Variants in GALNT5 observed in about 807,000 individuals in gnomAD.
GALNT5 encodes the protein UDP-GalNAc:polypeptide N-acetylgalactosaminyltransferase 5.
A neutral mutation model predicts 85.4 loss-of-function variants in GALNT5; 72 were observed. That is an observed-to-expected ratio of 0.84 (90% CI 0.70 to 1.03). The LOEUF (loss-of-function observed/expected upper bound fraction) is 1.03, where lower values mean the gene tolerates loss of function less well. Ranked by LOEUF, GALNT5 falls within the 50% of genes least tolerant of loss-of-function variation. The probability of loss-of-function intolerance (pLI) is 0.00; values close to 1 mark genes in which losing one functional copy is unlikely to be tolerated. For missense variants in GALNT5, 1,137 were observed against 1,135.5 expected, an observed-to-expected ratio of 1.00 and a Z score of -0.02; for synonymous variants, 404 against 397.0, an observed-to-expected ratio of 1.02 and a Z score of -0.21.
chr2:157,310,411 C>T (rs1249174927), intron 9 of GALNT5, among the ~76,000 whole-genome samples: 1 of 152,136 alleles, frequency 6.6e-6, no homozygotes, highest in Admixed American at 6.5e-5. Context: ...AAATCCTTGA[C>T]AATACTCAAG....
chr2:157,318,436 T>G lies in GALNT5; in HGVS notation c.*7088T>G, dbSNP rs954648528. 6.6e-6 allele frequency among the ~76,000 whole-genome samples: 1 copy of G among 152,150 alleles called. No homozygotes were observed. Among genetic ancestry groups the G allele is most frequent in the African/African-American group, 2.4e-5 (1 of 41,456 alleles). The stretch of plus-strand genomic sequence containing the variant: ...ACCTACCAGAAATCCTTTTTACAAT[T>G]TTATATACAATCATTTTAAGACCTT... On this transcript the variant is annotated 3_prime_UTR_variant, in exon 10 of 10. Coordinates refer to ENST00000259056, the MANE Select transcript of GALNT5 (RefSeq NM_014568.3).
chr2:157,261,942 A>G (rs1373356712), intron 1 of GALNT5, among the ~76,000 whole-genome samples: 2 of 152,164 alleles, frequency 1.3e-5, no homozygotes, highest in African/African-American at 2.4e-5. Context: ...CGAAGTCAGC[A>G]TAAGGGGAAA....
chr2:157,279,852 G>A (rs976865028), intron 1 of GALNT5, among the ~76,000 whole-genome samples: 3 of 152,258 alleles, frequency 2.0e-5, no homozygotes, highest in Non-Finnish European at 4.4e-5. Context: ...TCAATGAGAT[G>A]AACCAGGTAC....
In GALNT5 at chr2:157,259,475, A is replaced by C; in HGVS notation, c.1393A>C (p.Asn465His). Residue 465 changes from asparagine to histidine, a missense_variant, in exon 1 of 10, where the codon AAT becomes CAT. By Grantham distance (68) the Asn-to-His change is moderately conservative (BLOSUM62 1). Coordinates refer to ENST00000259056, the MANE Select transcript of GALNT5 (RefSeq NM_014568.3). The part of the protein sequence containing the change: ...AERRWKEGNF[N>H]VYLSDLIPVD... The stretch of plus-strand genomic sequence containing the variant: ...AAGAAGATGGAAAGAAGGAAACTTC[A>C]ATGTCTACCTTAGCGATTTGATCCC... The C allele has an allele frequency of 6.9e-7, 1 of 1,456,830 alleles. No individual in the cohort carries two copies. The highest frequency in any genetic ancestry group is 2.4e-5 in the East Asian group (1 of 42,152). The allele number at this position is 1,456,830 out of a possible 1,614,324, so 90.2% of individuals were successfully genotyped here.
rs759892394 is a variant in GALNT5, at chr2:157,311,298, C to T, written c.2773C>T (p.Pro925Ser). The T allele has an allele frequency of 2.5e-5, 40 of 1,609,506 alleles. No individual in the cohort carries two copies. In the Admixed American group the frequency reaches 4.5e-4, roughly 18 times the overall value. ...GATCCTGAAAGTAGCTGCCTGTGACCCAGTGAAGCCATATCAAAAGTGGAA... is the reference window on the plus strand; with the variant it reads ...GATCCTGAAAGTAGCTGCCTGTGACTCAGTGAAGCCATATCAAAAGTGGAA... Reference protein sequence around the residue: ...QKILKVAACDPVKPYQKWKFE... With the variant: ...QKILKVAACDSVKPYQKWKFE... Residue 925 changes from proline (P) to serine (S), a missense_variant, in exon 10 of 10, where the codon CCA (proline) becomes TCA (serine). Physicochemically the swap from Pro to Ser is moderately conservative, Grantham distance 74. Transcript: ENST00000259056.
chr2:157,310,014 AGAGT>A (rs1683535298), intron 9 of GALNT5, among the ~76,000 whole-genome samples: 1 of 152,140 alleles, frequency 6.6e-6, no homozygotes, highest in Non-Finnish European at 1.5e-5. Context: ...AGAGAGAGAG[AGAGT>A]GAGAGAGAGA....
At chr2:157,304,143 C>T (rs1015100286) in intron 7 of GALNT5, among the ~76,000 whole-genome samples, 3 of 152,174 alleles carry the variant, frequency 2.0e-5, no homozygotes, top group East Asian at 1.9e-4. Flanking sequence ...CTTTAAGCCC[C>T]GAGATTATTC....
In GALNT5 at chr2:157,305,814, C is replaced by T. The variant is rs749642637; in HGVS notation, c.2505C>T (p.Cys835=). The T allele has an allele frequency of 2.5e-6, 4 of 1,596,926 alleles. No individual in the cohort carries two copies. The highest frequency in any genetic ancestry group is 3.4e-6 in the Non-Finnish European group (4 of 1,164,556). Residue 835 remains cysteine, a synonymous_variant, in exon 8 of 10, where the codon TGC becomes TGT. Transcript: ENST00000259056. ...IENTTVILED[C]DGSKELQQFN... Reference sequence around the variant, plus strand: ...ACACTACAGTCATTCTGGAAGACTGCGATGGGAGCAAAGAGGTATGCTAAA... The same window carrying T: ...ACACTACAGTCATTCTGGAAGACTGTGATGGGAGCAAAGAGGTATGCTAAA...
rs917135393 is a variant in GALNT5 at position 157,295,673 on chromosome 2, G to C, written c.1752G>C (p.Leu584Phe). ...TGTTTGGCCCTCTAGGTGATGTGTT[G>C]ACATTTTTAGATTCTCATGTGGAAT... ...AGAQNATGDV[L>F]TFLDSHVECN... The change falls in exon 4 of 10, where the codon TTG becomes TTC. Residue 584 changes from leucine (L) to phenylalanine (F), a missense_variant. Leu to Phe is a conservative substitution (Grantham distance 22). Transcript: ENST00000259056. 1.2e-6 allele frequency: 2 copies of C among 1,612,696 alleles called. No individual in the cohort carries two copies. The highest frequency in any genetic ancestry group is 1.3e-5 in the African/African-American group (1 of 74,942).
At chr2:157,293,934 C>G (rs1473556608) in intron 3 of GALNT5, among the ~76,000 whole-genome samples, 1 of 152,182 alleles carries the variant, frequency 6.6e-6, no homozygotes, top group Non-Finnish European at 1.5e-5. Flanking sequence ...GTTAGCTGTG[C>G]AACCATAGAA....
chr2:157,258,146 T>C lies in GALNT5; in HGVS notation c.64T>C (p.Ser22Pro). The C allele has an allele frequency of 6.2e-7, 1 of 1,614,074 alleles. No individual in the cohort carries two copies. Among genetic ancestry groups the C allele is most frequent in the Non-Finnish European group, 8.5e-7 (1 of 1,179,994 alleles). Residue 22 changes from serine to proline, a missense_variant, in exon 1 of 10, where the codon TCT becomes CCT. Coordinates refer to ENST00000259056, the MANE Select transcript of GALNT5 (RefSeq NM_014568.3). ...GRVLAFIFVA[S>P]VIWLLFDMAA... ...AGTCTTGGCATTTATCTTTGTAGCT[T>C]CTGTCATCTGGCTCCTCTTTGACAT...
At chr2:157,307,010 ATT>A (rs11306025) in intron 8 of GALNT5, among the ~76,000 whole-genome samples, 313 of 149,150 alleles carry the variant, frequency 2.1e-3, no homozygotes, top group East Asian at 0.01. Flanking sequence ...TAAATAATGC[ATT>A]TTTTTTTTTT....
chr2:157,263,685 A>G (rs181586374), intron 1 of GALNT5, among the ~76,000 whole-genome samples: 1 of 152,320 alleles, frequency 6.6e-6, no homozygotes, highest in East Asian at 1.9e-4. Context: ...TGAATTTACA[A>G]TTTGTTTCTC....
rs115045242 is a variant in GALNT5 at position 157,270,576 on chromosome 2, G to A, written c.1454+11040G>A. On this transcript the variant is annotated intron_variant, in intron 1 of 9. Coordinates refer to ENST00000259056, the MANE Select transcript of GALNT5 (RefSeq NM_014568.3). ...CTTTTTGTACTTTCTATCTCAAAGGGAAATATTTCTTCCACTATTTAAGCT... is the reference window on the plus strand; with the variant it reads ...CTTTTTGTACTTTCTATCTCAAAGGAAAATATTTCTTCCACTATTTAAGCT... 3.5e-3 allele frequency among the ~76,000 whole-genome samples: 530 copies of A among 152,210 alleles called. 3 individuals are homozygous for A. The highest frequency in any genetic ancestry group is 6.1e-3 in the Non-Finnish European group (413 of 68,018).
At chr2:157,274,143 A>G (rs1457492449) in intron 1 of GALNT5, among the ~76,000 whole-genome samples, 1 of 152,198 alleles carries the variant, frequency 6.6e-6, no homozygotes, top group East Asian at 1.9e-4. Context: ...GTACCTACAA[A>G]GGACATGAAC....
In GALNT5 at chr2:157,308,626, C is replaced by T; in HGVS notation, c.2580C>T (p.Ala860=). 6.2e-7 allele frequency: 1 copy of T among 1,613,266 alleles called. No individual in the cohort carries two copies. Among genetic ancestry groups the T allele is most frequent in the Non-Finnish European group, 8.5e-7 (1 of 1,179,250 alleles). The change falls in exon 9 of 10, where the codon GCC becomes GCT. Residue 860 remains alanine (A), a synonymous_variant. Transcript: ENST00000259056. ...RLIKCGEWCI[A]PIPDKGAVRL... ...TTAAATGTGGAGAATGGTGTATAGC[C>T]CCCATCCCTGATAAAGGAGCCGTAA... is the stretch of plus-strand genomic sequence containing the variant.
rs914883250 is a variant in GALNT5, at chr2:157,312,438, T to C, written c.*1090T>C. ...AGTTAAGAAAAAATTCCGCTGGACT[T>C]GGCCAAAGAAAGAAGGGGATCTAGT... On this transcript the variant is annotated 3_prime_UTR_variant, in exon 10 of 10. Transcript: ENST00000259056. The C allele has an allele frequency of 2.0e-5, 3 of 151,348 alleles. No individual in the cohort carries two copies. Among genetic ancestry groups the C allele is most frequent in the African/African-American group, 7.3e-5 (3 of 41,164 alleles). 9.4% of individuals were successfully genotyped at this position (151,348 alleles called of 1,614,324 possible). A position where few individuals can be genotyped will look rare whatever the true frequency, so the allele number is the denominator to read the frequency against.
intron 7 of GALNT5, among the ~76,000 whole-genome samples, chr2:157,303,778 A>G (rs957081953): frequency 6.6e-6 from 1 of 152,224 alleles, no homozygotes; most frequent in African/African-American, 2.4e-5. Context: ...GAAAAGTTTT[A>G]TCTTTCCTTC....
Position 157,259,129 on chromosome 2 carries a change from A to G in GALNT5, c.1047A>G (p.Lys349=). ...CTAAAACCAAAACAATATTTCCTAA[A>G]GTATTGGGTAAAAGCCAAAGTAAAC... The part of the protein sequence containing the change: ...SNSKTKTIFP[K]VLGKSQSKHI... Residue 349 remains lysine (K), a synonymous_variant, in exon 1 of 10, where the codon AAA becomes AAG. Coordinates refer to ENST00000259056, the MANE Select transcript of GALNT5 (RefSeq NM_014568.3). 2 of 1,477,140 alleles carry G rather than the reference A, an allele frequency of 1.4e-6. No homozygotes were observed. Among genetic ancestry groups the G allele is most frequent in the Non-Finnish European group, 1.8e-6 (2 of 1,112,632 alleles). The allele number at this position is 1,477,140 out of a possible 1,614,324, so 91.5% of individuals were successfully genotyped here.
Sources: allele counts gnomAD v4.1 joint callset (sites outside exome capture counted in the v4.1 genomes callset), GRCh38; gene constraint gnomAD v4.1.1; transcripts MANE v1.5; gene names NCBI Gene and HGNC (gene_info 2026-07-23, HGNC 2026-07-21).